The following AP3B1 variants were observed in gnomAD, a reference collection of about 807,000 sequenced individuals.
AP3B1 encodes adaptor related protein complex 3 subunit beta 1, also known as AP-3 complex subunit beta-1.
Under a neutral mutation model 132.5 loss-of-function variants are expected in AP3B1, and 61 were observed. The observed-to-expected ratio is 0.46, with a 90% confidence interval of 0.37 to 0.57. The LOEUF is 0.57. Among genes scored for constraint, AP3B1 ranks in the 20% least tolerant of loss-of-function variants. AP3B1 has a pLI of 0.00. For synonymous variants in AP3B1, 388 were observed against 438.3 expected (o/e 0.89, Z 1.43); for missense variants, 1,120 against 1,289.4 (o/e 0.87, Z 2.01).
At chr5:78,251,142 A>C (rs1747615035) in intron 2 of AP3B1, among the ~76,000 whole-genome samples, 1 of 152,242 alleles carries the variant, frequency 6.6e-6, no homozygotes, top group Non-Finnish European at 1.5e-5. Flanking sequence ...AAATCAGTAA[A>C]GAAAAAACAC....
chr5:78,168,777 A>G (rs570104460), intron 11 of AP3B1, among the ~76,000 whole-genome samples: 50 of 152,322 alleles, frequency 3.3e-4, no homozygotes, highest in African/African-American at 1.1e-3. Flanking sequence ...AAGTTTCAAT[A>G]ACTGTCTCAA....
At chr5:78,106,701 A>C (rs1229685142) in intron 20 of AP3B1, among the ~76,000 whole-genome samples, 1 of 152,202 alleles carries the variant, frequency 6.6e-6, no homozygotes, top group Non-Finnish European at 1.5e-5. Flanking sequence ...TAGTGGCAGT[A>C]GGGAAAGAAG....
intron 1 of AP3B1, among the ~76,000 whole-genome samples, chr5:78,292,747 T>A (rs974303824): frequency 1.3e-5 from 2 of 152,152 alleles, no homozygotes; most frequent in Admixed American, 6.5e-5. Flanking sequence ...ATATCACCTC[T>A]AATCAATTAG....
chr5:78,027,120 T>C (rs895050510), intron 24 of AP3B1, among the ~76,000 whole-genome samples: 1 of 151,632 alleles, frequency 6.6e-6, no homozygotes, highest in Non-Finnish European at 1.5e-5. Context: ...ACCTGTTAGT[T>C]ATTTTCCTTT....
At chr5:78,219,791 C>T (rs1746104368) in intron 6 of AP3B1, among the ~76,000 whole-genome samples, 1 of 151,956 alleles carries the variant, frequency 6.6e-6, no homozygotes, top group Admixed American at 6.6e-5. Context: ...ATCCTCTAGC[C>T]TAAAAGAAGC....
rs761558414 is a variant in AP3B1 at position 78,267,595 on chromosome 5, C to T, written c.129G>A (p.Lys43=). The change falls in exon 2 of 27, where the codon AAG becomes AAA. Residue 43 remains lysine (K), a splice_region_variant and synonymous_variant. Transcript: ENST00000255194. ...CTAACATTTGCTTTAGATCTTCATT[C>T]CTATTACAAAAGAGAAGAAAAAAAA... ...AFGLFSSDLK[K]NEDLKQMLES... 6.3e-7 allele frequency: 1 copy of T among 1,592,124 alleles called. No homozygotes were observed. Among genetic ancestry groups the T allele is most frequent in the Non-Finnish European group, 8.6e-7 (1 of 1,162,108 alleles).
At chr5:78,120,101 G>C (rs565401022) in intron 17 of AP3B1, among the ~76,000 whole-genome samples, 6 of 152,106 alleles carry the variant, frequency 3.9e-5, no homozygotes, top group Non-Finnish European at 7.4e-5. Flanking sequence ...AGCTTCCTAA[G>C]TGAAGGAGAA....
chr5:78,217,828 G>T (rs1746024231), intron 6 of AP3B1, among the ~76,000 whole-genome samples: 1 of 152,000 alleles, frequency 6.6e-6, no homozygotes, highest in South Asian at 2.1e-4. Flanking sequence ...AATGATCCAT[G>T]AAATTGAACA....
intron 1 of AP3B1, among the ~76,000 whole-genome samples, chr5:78,279,916 A>G (rs1323846967): frequency 2.1e-5 from 3 of 144,184 alleles, no homozygotes; most frequent in Non-Finnish European, 4.5e-5. Flanking sequence ...AAATATATAT[A>G]TATATATATA....
chr5:78,083,766 G>T (rs1417728611), intron 22 of AP3B1, among the ~76,000 whole-genome samples: 1 of 151,930 alleles, frequency 6.6e-6, no homozygotes, highest in Non-Finnish European at 1.5e-5. Context: ...TGTTTGTCAG[G>T]CATTATTTTT....
At chr5:78,206,056 T>A (rs1745492067) in intron 7 of AP3B1, among the ~76,000 whole-genome samples, 1 of 150,632 alleles carries the variant, frequency 6.6e-6, no homozygotes, top group South Asian at 2.1e-4. Flanking sequence ...ATGAGCTGAT[T>A]TTTTTTAATG....
At chr5:78,052,806 A>G (rs2112127479) in intron 22 of AP3B1, among the ~76,000 whole-genome samples, 1 of 152,374 alleles carries the variant, frequency 6.6e-6, no homozygotes, top group African/African-American at 2.4e-5. Context: ...TAATGTCTAT[A>G]TTGTTTTATA....
At chr5:78,112,720 T>C (rs541935857) in intron 19 of AP3B1, among the ~76,000 whole-genome samples, 16 of 152,354 alleles carry the variant, frequency 1.1e-4, no homozygotes, top group Admixed American at 8.5e-4. Flanking sequence ...TTCTAGCTTT[T>C]AAGATAAGAT....
At chr5:78,065,550 T>C (rs1258684109) in intron 22 of AP3B1, among the ~76,000 whole-genome samples, 1 of 152,162 alleles carries the variant, frequency 6.6e-6, no homozygotes, top group African/African-American at 2.4e-5. Context: ...TGGCAGATCA[T>C]GGCCAGACTG....
In AP3B1 at chr5:78,294,673, A is replaced by T; in HGVS notation, c.-94T>A. ...GGCACGGAACAAAACTAGTTCTCGT[A>T]CGGAGGAGCGCGCGCAGGCGCTTCC... On this transcript the variant is annotated 5_prime_UTR_variant, in exon 1 of 27. Transcript: ENST00000255194. The T allele has an allele frequency of 6.3e-7, 1 of 1,592,030 alleles. No individual in the cohort carries two copies. Among genetic ancestry groups the T allele is most frequent in the South Asian group, 1.1e-5 (1 of 90,490 alleles).
intron 22 of AP3B1, among the ~76,000 whole-genome samples, chr5:78,055,051 A>G (rs1476338030): frequency 7.4e-6 from 1 of 135,476 alleles, no homozygotes; most frequent in East Asian, 2.1e-4. Context: ...ACACACACAC[A>G]CACACACTTA....
At chr5:78,178,062 C>T (rs567209126) in intron 8 of AP3B1, among the ~76,000 whole-genome samples, 2 of 152,124 alleles carry the variant, frequency 1.3e-5, no homozygotes, top group Non-Finnish European at 2.9e-5. Flanking sequence ...ACAGCTAGTA[C>T]GTGGCAAAGC....
At chr5:78,176,426 A>G (rs1437562346) in intron 9 of AP3B1, among the ~76,000 whole-genome samples, 2 of 152,206 alleles carry the variant, frequency 1.3e-5, no homozygotes, top group Non-Finnish European at 2.9e-5. Flanking sequence ...CACAAAGGAA[A>G]TGGCATCTCA....
intron 21 of AP3B1, among the ~76,000 whole-genome samples, chr5:78,093,743 T>C (rs768317691): frequency 6.6e-5 from 10 of 152,230 alleles, no homozygotes; most frequent in Non-Finnish European, 4.4e-5. Context: ...GTAATGCCTA[T>C]CATGTGTTAG....
Sources: allele counts gnomAD v4.1 joint callset (sites outside exome capture counted in the v4.1 genomes callset), GRCh38; gene constraint gnomAD v4.1.1; transcripts MANE v1.5; gene names NCBI Gene and HGNC (gene_info 2026-07-23, HGNC 2026-07-21).